Variants in EPHA3 observed in about 807,000 individuals in gnomAD.
EPHA3 encodes EPH receptor A3.
EPHA3 carries 42 observed loss-of-function variants against 107.1 expected under a neutral mutation model. The ratio of observed to expected loss-of-function variants is 0.39; its 90% confidence interval spans 0.31 to 0.51. The LOEUF (loss-of-function observed/expected upper bound fraction) is 0.51, where lower values mean the gene tolerates loss of function less well. Among genes scored for constraint, EPHA3 ranks in the 20% least tolerant of loss-of-function variants. The pLI, the probability that EPHA3 is intolerant of heterozygous loss-of-function variation, is 0.78. For synonymous variants in EPHA3, 461 were observed against 424.8 expected, an observed-to-expected ratio of 1.09 and a Z score of -1.05; for missense variants, 1,183 against 1,211.2, an observed-to-expected ratio of 0.98 and a Z score of 0.35.
At chr3:89,273,814 A>C (rs1211573132) in intron 3 of EPHA3, among the ~76,000 whole-genome samples, 2 of 151,954 alleles carry the variant, frequency 1.3e-5, no homozygotes, top group Non-Finnish European at 2.9e-5. Context: ...CTACTGCCAG[A>C]AAGGATATTT....
intron 3 of EPHA3, among the ~76,000 whole-genome samples, chr3:89,234,025 T>A (rs1442211152): frequency 6.6e-6 from 1 of 152,206 alleles, no homozygotes; most frequent in Admixed American, 6.5e-5. Flanking sequence ...AGCACAAATC[T>A]GAGTGGTAAG....
At position 89,399,735 on chromosome 3, in the gene EPHA3, T is replaced by TAA. The variant is rs1553690266; in HGVS notation, c.1594+255_1594+256insAA. On this transcript the variant is annotated intron_variant, in intron 7 of 16. Transcript: ENST00000336596. ...TGCCTGAAATGCTTCTGTTTTTTTTTTTTAGCCATAAATTGCTTTTGAGGA... is the reference window on the plus strand; with the variant it reads ...TGCCTGAAATGCTTCTGTTTTTTTTTAATTTAGCCATAAATTGCTTTTGAGGA... 18 of 1,154,264 alleles carry TAA rather than the reference T, an allele frequency of 1.6e-5. 1 individual carries two copies. In the South Asian group the frequency reaches 5.7e-4, roughly 37 times the overall value. 71.5% of individuals were successfully genotyped at this position (1,154,264 alleles called of 1,614,324 possible).
chr3:89,443,905 G>T (rs895108801), intron 13 of EPHA3, among the ~76,000 whole-genome samples: 2 of 152,042 alleles, frequency 1.3e-5, no homozygotes, highest in Non-Finnish European at 2.9e-5. Context: ...ACTTTACCCA[G>T]TTACAGAAAA....
intron 3 of EPHA3, among the ~76,000 whole-genome samples, chr3:89,217,265 A>T (rs371614220): frequency 6.6e-6 from 1 of 152,198 alleles, no homozygotes; most frequent in African/African-American, 2.4e-5. Flanking sequence ...AAATAATCAC[A>T]TAACTAGAAA....
At chr3:89,477,640 T>C (rs1710544497) in intron 16 of EPHA3, among the ~76,000 whole-genome samples, 1 of 152,076 alleles carries the variant, frequency 6.6e-6, no homozygotes, top group Non-Finnish European at 1.5e-5. Flanking sequence ...CTGTGTGTGG[T>C]GTGTTCACAC....
intron 7 of EPHA3, 94 bp from the exon 8 acceptor site, chr3:89,407,175 C>T (rs1709070790): frequency 1.1e-5 from 9 of 826,934 alleles, no homozygotes; most frequent in Non-Finnish European, 1.8e-5. Flanking sequence ...AAGTAGAACA[C>T]ATATTAATTA....
At chr3:89,340,756 A>G (rs1707499744) in intron 3 of EPHA3, among the ~76,000 whole-genome samples, 160 bp from the exon 4 acceptor site, 1 of 152,226 alleles carries the variant, frequency 6.6e-6, no homozygotes, top group South Asian at 2.1e-4. Context: ...TTTATGTAGA[A>G]AAACTACAGT....
At chr3:89,166,878 A>G (rs572603018) in intron 2 of EPHA3, among the ~76,000 whole-genome samples, 61 of 152,318 alleles carry the variant, frequency 4.0e-4, no homozygotes, top group African/African-American at 1.4e-3. Context: ...AAACACAAGC[A>G]CAGCAACCCA....
chr3:89,291,282 T>C (rs1295996038), intron 3 of EPHA3, among the ~76,000 whole-genome samples: 2 of 152,180 alleles, frequency 1.3e-5, no homozygotes, highest in Non-Finnish European at 2.9e-5. Context: ...TCAGATTATA[T>C]ATCTAAGAAA....
intron 5 of EPHA3, among the ~76,000 whole-genome samples, chr3:89,350,770 G>C (rs958097495): frequency 4.0e-5 from 6 of 150,868 alleles, no homozygotes; most frequent in African/African-American, 1.5e-4. Context: ...GGTCTTTGAT[G>C]ATGGTGATGT....
intron 13 of EPHA3, among the ~76,000 whole-genome samples, chr3:89,448,327 G>A (rs377210648): frequency 1.3e-4 from 20 of 152,090 alleles, no homozygotes; most frequent in South Asian, 4.2e-4. Flanking sequence ...TACCTATTTC[G>A]TTCTGTATCT....
intron 3 of EPHA3, among the ~76,000 whole-genome samples, chr3:89,322,101 C>A (rs186320553): frequency 6.6e-6 from 1 of 151,874 alleles, no homozygotes; most frequent in East Asian, 1.9e-4. Context: ...TGCACACACA[C>A]ACAAACACAC....
In EPHA3 at chr3:89,466,701, C is replaced by A. The variant is rs1218717108; in HGVS notation, c.2691-5763C>A. Among the ~76,000 whole-genome samples the A allele has an allele frequency of 2.3e-5, 3 of 132,826 alleles. 1 individual carries two copies. The highest frequency in any genetic ancestry group is 5.0e-5 in the Non-Finnish European group (3 of 60,324). 87.1% of individuals were successfully genotyped at this position (132,826 alleles called of 152,430 possible). A position where few individuals can be genotyped will look rare whatever the true frequency, so the allele number is the denominator to read the frequency against. On this transcript the variant is annotated intron_variant, in intron 15 of 16. Transcript: ENST00000336596. ...GCCCTGCTTCGGCTCGCGCACGGTG[C>A]GCACACACACTGGCCTGCGCCCACT...
chr3:89,341,097 C>T (rs1278569379), intron 4 of EPHA3, 26 bp downstream of exon 4: 1 of 1,602,256 alleles, frequency 6.2e-7, no homozygotes, highest in South Asian at 1.1e-5. Context: ...GCAACCCATG[C>T]CTCCATGTTT....
intron 3 of EPHA3, among the ~76,000 whole-genome samples, chr3:89,246,031 AT>A (rs1330824061): frequency 1.3e-5 from 2 of 151,830 alleles, no homozygotes; most frequent in South Asian, 2.1e-4. Flanking sequence ...TTCCTCTTTA[AT>A]TTTTTTTTCA....
chr3:89,303,746 A>G (rs112858289), intron 3 of EPHA3, among the ~76,000 whole-genome samples: 2,531 of 152,250 alleles, frequency 0.017, 56 homozygotes, highest in African/African-American at 0.054. Flanking sequence ...AAAATAAAGC[A>G]ACTATTTTTT....
intron 3 of EPHA3, among the ~76,000 whole-genome samples, chr3:89,275,560 A>G (rs1705784975): frequency 6.6e-6 from 1 of 152,114 alleles, no homozygotes; most frequent in Non-Finnish European, 1.5e-5. Context: ...GAGATATTGT[A>G]AGTGAAAATG....
chr3:89,456,757 C>T (rs941053021), intron 15 of EPHA3, among the ~76,000 whole-genome samples: 1 of 152,056 alleles, frequency 6.6e-6, no homozygotes, highest in African/African-American at 2.4e-5. Flanking sequence ...TGCTTGTTCC[C>T]TAGTAATTGA....
chr3:89,200,584 A>G (rs960221704), intron 2 of EPHA3, among the ~76,000 whole-genome samples: 1 of 152,126 alleles, frequency 6.6e-6, no homozygotes, highest in Non-Finnish European at 1.5e-5. Context: ...GTAGTTTCTC[A>G]CTGTAGCAAA....
Sources: gnomAD v4.1 joint callset for allele counts (sites outside exome capture counted in the v4.1 genomes callset) on GRCh38, gnomAD v4.1.1 for gene constraint, MANE v1.5 for transcripts, NCBI Gene and HGNC (gene_info 2026-07-23, HGNC 2026-07-21) for gene names.